The following MTMR7 variants were observed in gnomAD, a reference collection of about 807,000 sequenced individuals.
MTMR7 encodes myotubularin related protein 7.
Under a neutral mutation model 81.2 loss-of-function variants are expected in MTMR7, and 76 were observed. The ratio of observed to expected loss-of-function variants is 0.94; its 90% CI spans 0.78 to 1.13. The LOEUF is 1.13. Among genes scored for constraint, MTMR7 ranks in the 50% most tolerant of loss-of-function variants. MTMR7 has a pLI of 0.00. For synonymous variants in MTMR7, 372 were observed against 289.8 expected, an observed-to-expected ratio of 1.28 and a Z score of -2.88; for missense variants, 1,044 against 820.0, an observed-to-expected ratio of 1.27 and a Z score of -3.34.
At chr8:17,329,924 G>C (rs564996588) in intron 7 of MTMR7, among the ~76,000 whole-genome samples, 140 of 152,268 alleles carry the variant, frequency 9.2e-4, no homozygotes, top group Middle Eastern at 3.4e-3. Context: ...AAATGGCTCT[G>C]GGGCTGAGAT....
chr8:17,331,364 C>T, intron 6 of MTMR7, 82 bp from the exon 7 acceptor site: 1 of 1,378,294 alleles, frequency 7.3e-7, no homozygotes, highest in South Asian at 1.5e-5. Flanking sequence ...TCATGGATAC[C>T]CAATCAAAGC....
rs181700964 is a variant in MTMR7, at chr8:17,317,893, G to A, written c.866-4492C>T. ...CCATGACCTCCTCTTTCAATCTCCC[G>A]TCCTTCTGTATTTTTGCCTTTTTTT... On this transcript the variant is annotated intron_variant, in intron 7 of 13. Transcript: ENST00000180173. Among the ~76,000 whole-genome samples the A allele has an allele frequency of 3.9e-4, 59 of 151,758 alleles. 1 individual carries two copies. The highest frequency in any genetic ancestry group is 2.2e-3 in the Admixed American group (33 of 15,238).
intron 1 of MTMR7, among the ~76,000 whole-genome samples, chr8:17,377,186 T>G (rs1473913113): frequency 6.6e-6 from 1 of 152,162 alleles, no homozygotes; most frequent in Non-Finnish European, 1.5e-5. Context: ...TACAAAGTAT[T>G]TATTAGTTGA....
At position 17,335,142 on chromosome 8, in the gene MTMR7, C is replaced by T. The variant is rs553826456; in HGVS notation, c.733-3860G>A. 5.9e-5 allele frequency among the ~76,000 whole-genome samples: 9 copies of T among 152,172 alleles called. No individual in the cohort carries two copies. In the East Asian group the frequency reaches 1.2e-3, roughly 20 times the overall value. On this transcript the variant is annotated intron_variant, in intron 6 of 13. Transcript: ENST00000180173. The stretch of plus-strand genomic sequence containing the variant: ...TAGTGTCCACAACAGAGAAGATGCA[C>T]AGGAATAAGGAGCGAGCAGAGAGGG...
chr8:17,338,722 AG>A (rs1180228764), intron 6 of MTMR7: 1 of 135,642 alleles, frequency 7.4e-6, no homozygotes. Context: ...CTTCCAGCAA[AG>A]GAGCTATTTT....
chr8:17,372,853 CAGCTGTGACA>C (rs1820461777), intron 2 of MTMR7: 2 of 340,948 alleles, frequency 5.9e-6, no homozygotes, highest in African/African-American at 4.2e-5. Context: ...CTCTCCTTGA[CAGCTGTGACA>C]GGAAGCACTT....
At chr8:17,361,074 C>G in intron 4 of MTMR7, 43 bp downstream of exon 4, 1 of 1,609,174 alleles carries the variant, frequency 6.2e-7, no homozygotes, top group Non-Finnish European at 8.5e-7. Flanking sequence ...TGGCTGAAAC[C>G]CTAATTTCAT....
At position 17,316,527 on chromosome 8, in the gene MTMR7, A is replaced by G. The variant is rs114434477; in HGVS notation, c.866-3126T>C. ...AAAGTCTCCCTGTACCTGGATTTCT[A>G]TAAGTGAAATGGGCTGGGTCATAGA... On this transcript the variant is annotated intron_variant, in intron 7 of 13. Transcript: ENST00000180173. 6.0e-3 allele frequency among the ~76,000 whole-genome samples: 909 copies of G among 151,144 alleles called. 10 individuals carry two copies. Among genetic ancestry groups the G allele is most frequent in the African/African-American group, 0.02 (817 of 41,256 alleles).
intron 4 of MTMR7, among the ~76,000 whole-genome samples, chr8:17,358,499 C>G (rs1819964196): frequency 6.6e-6 from 1 of 151,956 alleles, no homozygotes; most frequent in South Asian, 2.1e-4. Context: ...GCAAAGAGAC[C>G]AAAATAATAA....
chr8:17,380,568 A>G (rs1374361708), intron 1 of MTMR7, among the ~76,000 whole-genome samples: 1 of 39,394 alleles, frequency 2.5e-5, no homozygotes, highest in Non-Finnish European at 7.2e-5. Context: ...ACAGCTGATG[A>G]GCTTAAAAAA....
chr8:17,372,452 G>T (rs899972135), intron 2 of MTMR7, among the ~76,000 whole-genome samples: 1 of 152,090 alleles, frequency 6.6e-6, no homozygotes, highest in African/African-American at 2.4e-5. Context: ...GCCAGGCGTG[G>T]TGGCGCGTGA....
chr8:17,313,910 G>C lies in MTMR7; in HGVS notation c.866-509C>G, dbSNP rs540356698. Among the ~76,000 whole-genome samples, 28 of 152,244 alleles carry C rather than the reference G, an allele frequency of 1.8e-4. No homozygotes were observed. In the South Asian group the frequency reaches 4.8e-3, roughly 26 times the overall value. On this transcript the variant is annotated intron_variant, in intron 7 of 13. Coordinates refer to ENST00000180173, the MANE Select transcript of MTMR7 (RefSeq NM_004686.5). ...AAATGAAAATGATCAAACTCCTCTT[G>C]CCAATAACCCCCACCCAATGGGAGT...
rs1817329710 is a variant in MTMR7, at chr8:17,304,585, A to G, written c.1353-66T>C. 59 of 1,514,390 alleles carry G rather than the reference A, an allele frequency of 3.9e-5. 1 individual carries two copies. The South Asian group carries it at 5.3e-4, about 14-fold the overall frequency. 93.8% of individuals were successfully genotyped at this position (1,514,390 alleles called of 1,614,324 possible). ...TGCTTACACACAGTAGATATGTTATATTAATGCTGGAAAGGAACTAATAAT... is the reference window on the plus strand; with the variant it reads ...TGCTTACACACAGTAGATATGTTATGTTAATGCTGGAAAGGAACTAATAAT... On this transcript the variant is annotated intron_variant, in intron 11 of 13. Coordinates refer to ENST00000180173, the MANE Select transcript of MTMR7 (RefSeq NM_004686.5).
At position 17,311,532 on chromosome 8, in the gene MTMR7, G is replaced by C. The variant is rs1817779805; in HGVS notation, c.1080C>G (p.Tyr360Ter). 2 of 1,614,120 alleles carry C rather than the reference G, an allele frequency of 1.2e-6. No individual in the cohort carries two copies. The highest frequency in any genetic ancestry group is 1.7e-6 in the Non-Finnish European group (2 of 1,180,034). ...SVASLLLDPH[Y>*]RTLKGFMVLI... ...TCACCATGAAGCCCTTCAGAGTCCGGTAGTGAGGGTCCAGCAGCAGGCTTG... is the reference window on the plus strand; with the variant it reads ...TCACCATGAAGCCCTTCAGAGTCCGCTAGTGAGGGTCCAGCAGCAGGCTTG... The change falls in exon 9 of 14, where the codon TAC (tyrosine) becomes TAG (stop). Residue 360 changes from tyrosine to a stop codon, truncating the protein, a stop_gained. Transcript: ENST00000180173. LOFTEE classifies it high-confidence loss of function.
intron 1 of MTMR7, among the ~76,000 whole-genome samples, chr8:17,382,979 C>G (rs535826343): frequency 4.6e-5 from 7 of 152,200 alleles, no homozygotes; most frequent in African/African-American, 1.7e-4. Flanking sequence ...GGGCACCAAA[C>G]TGTCAGGACA....
chr8:17,303,604 T>A (rs1442956142), intron 12 of MTMR7, among the ~76,000 whole-genome samples: 1 of 116,598 alleles, frequency 8.6e-6, no homozygotes, highest in Non-Finnish European at 1.7e-5. Context: ...TCCCCATACA[T>A]ACAATCTTTT....
intron 10 of MTMR7, among the ~76,000 whole-genome samples, chr8:17,306,949 T>G (rs1004420514): frequency 2.6e-5 from 4 of 152,118 alleles, no homozygotes; most frequent in African/African-American, 9.7e-5. Context: ...GAAGAAAACC[T>G]AGGCAATACC....
rs866933740 is a variant in MTMR7, at chr8:17,335,325, A to T, written c.733-4043T>A. Among the ~76,000 whole-genome samples the T allele has an allele frequency of 3.9e-5, 6 of 152,178 alleles. 1 individual carries two copies. Among genetic ancestry groups the T allele is most frequent in the Non-Finnish European group, 7.4e-5 (5 of 68,024 alleles). ...ATTTACTGACCGGCTGAGCAACTGC[A>T]TAAATGACTGGATAACAGAATGAGG... On this transcript the variant is annotated intron_variant, in intron 6 of 13. Transcript: ENST00000180173.
rs1347855316 is a variant in MTMR7 at position 17,297,851 on chromosome 8, A to G, written c.*2011T>C. ...AAATCTCAGTGCTAGGTTAACTTCT[A>G]ATAAGCAGACGAACATGTTACATAA... On this transcript the variant is annotated 3_prime_UTR_variant, in exon 14 of 14. Coordinates refer to ENST00000180173, the MANE Select transcript of MTMR7 (RefSeq NM_004686.5). The G allele has an allele frequency of 1.0e-5, 1 of 100,452 alleles. No homozygotes were observed. The highest frequency in any genetic ancestry group is 1.2e-4 in the Admixed American group (1 of 8,246). The allele number at this position is 100,452 out of a possible 1,614,324, so 6.2% of individuals were successfully genotyped here.
Sources: gnomAD v4.1 joint callset for allele counts (sites outside exome capture counted in the v4.1 genomes callset) on GRCh38, gnomAD v4.1.1 for gene constraint, MANE v1.5 for transcripts, NCBI Gene and HGNC (gene_info 2026-07-23, HGNC 2026-07-21) for gene names.